TAFA5: variants seen among roughly 807,000 people sequenced by gnomAD.
The protein encoded by TAFA5 is chemokine-like protein TAFA-5.
TAFA5 carries 6 observed loss-of-function variants against 15.3 expected under a neutral mutation model. The ratio of observed to expected loss-of-function variants is 0.39; its 90% CI spans 0.21 to 0.77. The LOEUF is 0.77. TAFA5 is among the 30% of genes least tolerant of loss of function. TAFA5 has a pLI of 0.41. For missense variants in TAFA5, 161 were observed against 193.1 expected, an observed-to-expected ratio of 0.83 and a Z score of 0.98; for synonymous variants, 103 against 80.7, an observed-to-expected ratio of 1.28 and a Z score of -1.48.
At chr22:48,545,518 C>G (rs753757989) in intron 1 of TAFA5, 1 of 154,422 alleles carries the variant, frequency 6.5e-6, no homozygotes, top group Non-Finnish European at 1.4e-5. Context: ...AGCTGCCACT[C>G]ACAATCTCTT....
chr22:48,610,361 T>G (rs1925354340), intron 1 of TAFA5, among the ~76,000 whole-genome samples: 1 of 152,248 alleles, frequency 6.6e-6, no homozygotes, highest in South Asian at 2.1e-4. Flanking sequence ...CTAAGTAAGA[T>G]TCACCTGCTG....
At chr22:48,697,878 T>C (rs1297344365) in intron 2 of TAFA5, among the ~76,000 whole-genome samples, 2 of 151,280 alleles carry the variant, frequency 1.3e-5, no homozygotes, top group Non-Finnish European at 2.9e-5. Context: ...ATGGTGATGG[T>C]AATAATTGTC....
intron 1 of TAFA5, among the ~76,000 whole-genome samples, chr22:48,595,846 A>G (rs904099922): frequency 1.3e-5 from 2 of 152,268 alleles, no homozygotes; most frequent in African/African-American, 2.4e-5. Context: ...CTTCTCATAC[A>G]TGGTATCTTG....
chr22:48,709,951 A>G lies in TAFA5; in HGVS notation c.390+2107A>G, dbSNP rs141059097. Among the ~76,000 whole-genome samples, 545 of 152,280 alleles carry G rather than the reference A, an allele frequency of 3.6e-3. 6 individuals carry two copies. Among genetic ancestry groups the G allele is most frequent in the African/African-American group, 0.013 (521 of 41,562 alleles). On this transcript the variant is annotated intron_variant, in intron 3 of 3. Transcript: ENST00000402357. ...ATCACATTTTGGTTTTTGGTAATTTATTGGGCTGAAATTCACATAACATCA... is the reference window on the plus strand; with the variant it reads ...ATCACATTTTGGTTTTTGGTAATTTGTTGGGCTGAAATTCACATAACATCA...
At chr22:48,567,433 C>T (rs560859950) in intron 1 of TAFA5, among the ~76,000 whole-genome samples, 3 of 152,292 alleles carry the variant, frequency 2.0e-5, no homozygotes, top group Admixed American at 6.5e-5. Context: ...TTAAGCCCAG[C>T]GAAAGTGTGA....
intron 3 of TAFA5, among the ~76,000 whole-genome samples, chr22:48,748,594 A>C (rs1930394172): frequency 6.6e-6 from 1 of 152,306 alleles, no homozygotes; most frequent in East Asian, 1.9e-4. Flanking sequence ...CCTGAGCCTC[A>C]GGTCCTGTTG....
rs548699541 is a variant in TAFA5 at position 48,515,235 on chromosome 22, C to T, written c.112+25531C>T. Among the ~76,000 whole-genome samples the T allele has an allele frequency of 3.3e-5, 5 of 152,050 alleles. No homozygotes were observed. In the South Asian group the frequency reaches 1.0e-3, roughly 32 times the overall value. On this transcript the variant is annotated intron_variant, in intron 1 of 3. Coordinates refer to ENST00000402357, the MANE Select transcript of TAFA5 (RefSeq NM_001082967.3). ...CGTCCTCTCAGCAGTGGGTGAAGAA[C>T]CTCAGTTAGGAATTATTCCCTGGAA...
At chr22:48,707,173 G>A (rs990096198) in intron 2 of TAFA5, among the ~76,000 whole-genome samples, 2 of 152,136 alleles carry the variant, frequency 1.3e-5, no homozygotes, top group Admixed American at 6.5e-5. Flanking sequence ...GAGACGAGGC[G>A]GGAGTAGGAT....
chr22:48,716,650 C>T (rs142323477), intron 3 of TAFA5, among the ~76,000 whole-genome samples: 2 of 152,316 alleles, frequency 1.3e-5, no homozygotes, highest in East Asian at 1.9e-4. Flanking sequence ...CAAACCTGCA[C>T]GTTCTGCACA....
At chr22:48,698,646 C>T (rs1033119750) in intron 2 of TAFA5, among the ~76,000 whole-genome samples, 1 of 29,604 alleles carries the variant, frequency 3.4e-5, no homozygotes. Flanking sequence ...ATAGGAGCAT[C>T]CCAGGAGCTG....
chr22:48,642,883 G>T (rs1007180977), intron 1 of TAFA5, among the ~76,000 whole-genome samples: 4 of 152,230 alleles, frequency 2.6e-5, no homozygotes, highest in African/African-American at 7.2e-5. Flanking sequence ...ACAGCTGTGG[G>T]AGAGCCAGGG....
intron 2 of TAFA5, among the ~76,000 whole-genome samples, chr22:48,692,221 C>T (rs568254351): frequency 6.6e-6 from 1 of 151,984 alleles, no homozygotes; most frequent in African/African-American, 2.4e-5. Flanking sequence ...GGATGTCAGA[C>T]AGTGAGACCC....
At chr22:48,494,293 G>A (rs1269881524) in intron 1 of TAFA5, among the ~76,000 whole-genome samples, 1 of 152,236 alleles carries the variant, frequency 6.6e-6, no homozygotes, top group African/African-American at 2.4e-5. Context: ...CATCTGCGCC[G>A]ATTTAGAAGG....
intron 2 of TAFA5, among the ~76,000 whole-genome samples, chr22:48,694,683 G>A (rs1444331094): frequency 1.3e-5 from 2 of 152,060 alleles, no homozygotes; most frequent in African/African-American, 4.8e-5. Context: ...CTGTGTCCCC[G>A]GGCCACAGTG....
chr22:48,673,576 T>G (rs900833769), intron 2 of TAFA5, among the ~76,000 whole-genome samples: 16 of 152,308 alleles, frequency 1.1e-4, no homozygotes, highest in Non-Finnish European at 1.6e-4. Flanking sequence ...TGGTGCCCTG[T>G]CGCTGCTGGA....
At chr22:48,576,974 G>A (rs2147142588) in intron 1 of TAFA5, among the ~76,000 whole-genome samples, 1 of 152,232 alleles carries the variant, frequency 6.6e-6, no homozygotes, top group African/African-American at 2.4e-5. Context: ...CCGGGCTGGG[G>A]CGGGAGCGGA....
intron 1 of TAFA5, among the ~76,000 whole-genome samples, chr22:48,525,997 T>A (rs947133242): frequency 5.3e-5 from 8 of 152,202 alleles, no homozygotes; most frequent in African/African-American, 1.9e-4. Context: ...TCAGTGCAGA[T>A]TTGGAGAATG....
chr22:48,595,498 C>T (rs991106676), intron 1 of TAFA5, among the ~76,000 whole-genome samples: 7 of 152,222 alleles, frequency 4.6e-5, no homozygotes, highest in African/African-American at 1.7e-4. Flanking sequence ...TGAGGAGCTC[C>T]CTGATCAGAA....
intron 2 of TAFA5, among the ~76,000 whole-genome samples, chr22:48,660,305 G>A (rs1490756828): frequency 1.3e-5 from 2 of 152,172 alleles, no homozygotes; most frequent in African/African-American, 2.4e-5. Flanking sequence ...GAGCACAGTT[G>A]CTGTTTGCTG....
Sources: allele counts gnomAD v4.1 joint callset (sites outside exome capture counted in the v4.1 genomes callset), GRCh38; gene constraint gnomAD v4.1.1; transcripts MANE v1.5; gene names NCBI Gene and HGNC (gene_info 2026-07-23, HGNC 2026-07-21).